The following XPO6 variants were observed in gnomAD, a reference collection of about 807,000 sequenced individuals.
The protein encoded by XPO6 is exportin-6.
A neutral mutation model predicts 130.0 loss-of-function variants in XPO6; 3 were observed. The observed-to-expected ratio is 0.02, with a 90% CI of 0.01 to 0.06. The LOEUF is 0.06. Ranked by LOEUF, XPO6 falls within the 10% of genes least tolerant of loss-of-function variation. The pLI is 1.00. For missense variants in XPO6, 970 were observed against 1,393.0 expected (o/e 0.70, Z 4.83); for synonymous variants, 524 against 548.9 (o/e 0.95, Z 0.63).
chr16:28,154,957 A>G (rs879635433), intron 7 of XPO6, among the ~76,000 whole-genome samples: 34 of 152,232 alleles, frequency 2.2e-4, no homozygotes, highest in Non-Finnish European at 4.6e-4. Context: ...GCTATCACCA[A>G]ATAATTTTTA....
intron 12 of XPO6, among the ~76,000 whole-genome samples, chr16:28,127,597 G>A (rs953148260): frequency 6.6e-6 from 1 of 152,118 alleles, no homozygotes; most frequent in Non-Finnish European, 1.5e-5. Context: ...CAGTAAACAC[G>A]GATGGGTGGC....
At position 28,166,550 on chromosome 16, in the gene XPO6, TA is replaced by T; in HGVS notation, c.600del (p.Thr201LeufsTer18). ...GGGGATGGTGGTGGAGTGGCAGCAG[TA>T]ACACTGTGTTTGTCCCAGACAGTCT... ...ILETVWDKHS[V>X]TAATPPPSPT... On this transcript the variant is annotated frameshift_variant, in exon 6 of 24. Coordinates refer to ENST00000304658, the MANE Select transcript of XPO6 (RefSeq NM_015171.4). LOFTEE classifies it high-confidence loss of function. The T allele has an allele frequency of 6.3e-7, 1 of 1,591,866 alleles. No individual in the cohort carries two copies. The highest frequency in any genetic ancestry group is 1.8e-5 in the Admixed American group (1 of 56,966).
At chr16:28,192,089 A>ATT (rs1567647242) in intron 1 of XPO6, among the ~76,000 whole-genome samples, 2 of 151,830 alleles carry the variant, frequency 1.3e-5, no homozygotes, top group Non-Finnish European at 1.5e-5. Context: ...GTGAAACCCC[A>ATT]TCTCTAATAA....
In XPO6 at chr16:28,166,207, A is replaced by G. The variant is rs147055043; in HGVS notation, c.643+301T>C. 4.6e-5 allele frequency among the ~76,000 whole-genome samples: 7 copies of G among 152,296 alleles called. No homozygotes were observed. The East Asian group carries it at 1.4e-3, about 29-fold the overall frequency. On this transcript the variant is annotated intron_variant, in intron 6 of 23. Coordinates refer to ENST00000304658, the MANE Select transcript of XPO6 (RefSeq NM_015171.4). ...GCTGCCCACCTCCTGCCACCCCTAC[A>G]GAAGGACAAGCAGACGTTTCAAGCC...
chr16:28,127,299 G>T lies in XPO6; in HGVS notation c.1607-1451C>A, dbSNP rs191409135. On this transcript the variant is annotated intron_variant, in intron 12 of 23. Transcript: ENST00000304658. Reference sequence around the variant, plus strand: ...CTACATAGCCTCCAGCCTCTCAGGGGCATCCTGTCTCTGTGGGGCCTCCCC... The same window carrying T: ...CTACATAGCCTCCAGCCTCTCAGGGTCATCCTGTCTCTGTGGGGCCTCCCC... Among the ~76,000 whole-genome samples the T allele has an allele frequency of 1.8e-3, 281 of 152,160 alleles. 1 individual carries two copies. The highest frequency in any genetic ancestry group is 2.7e-3 in the Non-Finnish European group (183 of 67,990).
At position 28,156,383 on chromosome 16, in the gene XPO6, G is replaced by A; in HGVS notation, c.788C>T (p.Ser263Phe). The A allele has an allele frequency of 6.2e-7, 1 of 1,614,096 alleles. No homozygotes were observed. Among genetic ancestry groups the A allele is most frequent in the Non-Finnish European group, 8.5e-7 (1 of 1,180,010 alleles). ...LAHLFSWIPL[S>F]ASITPSLLTT... ...AAGGAGGGATGGGGTGATGCTGGCAGACAGAGGAATCCAACTGAAGAGATG... is the reference window on the plus strand; with the variant it reads ...AAGGAGGGATGGGGTGATGCTGGCAAACAGAGGAATCCAACTGAAGAGATG... The change falls in exon 7 of 24, where the codon TCT becomes TTT. Residue 263 changes from serine to phenylalanine, a missense_variant. Physicochemically the swap from Ser to Phe is radical, Grantham distance 155. Transcript: ENST00000304658.
chr16:28,184,743 T>C (rs947724876), intron 1 of XPO6, among the ~76,000 whole-genome samples: 2 of 152,142 alleles, frequency 1.3e-5, no homozygotes, highest in African/African-American at 2.4e-5. Context: ...AAGATAGTGC[T>C]ACACATCTAC....
rs989747656 is a variant in XPO6, at chr16:28,112,782, G to A, written c.2151+122C>T. On this transcript the variant is annotated intron_variant, in intron 16 of 23. Transcript: ENST00000304658. ...GTCAGTGCCACACAATAAGAAATCT[G>A]TCTATGCTGGTACAGCCTGTAAGCT... is the stretch of plus-strand genomic sequence containing the variant. The A allele has an allele frequency of 2.2e-5, 29 of 1,290,092 alleles. No homozygotes were observed. In the African/African-American group the frequency reaches 4.3e-4, roughly 19 times the overall value. 79.9% of individuals were successfully genotyped at this position (1,290,092 alleles called of 1,614,324 possible).
At chr16:28,186,371 A>ATTATTTTTTTTTTTTTTT (rs1237138991) in intron 1 of XPO6, among the ~76,000 whole-genome samples, 1 of 10,128 alleles carries the variant, frequency 9.9e-5, no homozygotes, top group African/African-American at 4.1e-4. Flanking sequence ...TGCCCCAGTT[A>ATTATTTTTTTTTTTTTTT]TTCTTTTTTT....
chr16:28,135,444 A>AT (rs2042756935), intron 9 of XPO6, 120 bp from the exon 10 acceptor site: 2 of 769,012 alleles, frequency 2.6e-6, no homozygotes, highest in African/African-American at 1.7e-5. Context: ...AAGAGCATCG[A>AT]AATTCCTGAG....
chr16:28,210,945 C>T (rs555614601), intron 1 of XPO6, among the ~76,000 whole-genome samples: 11 of 152,326 alleles, frequency 7.2e-5, no homozygotes, highest in Admixed American at 2.0e-4. Flanking sequence ...GTTAAAAAGT[C>T]GCTTGACCTT....
intron 3 of XPO6, 39 bp from the exon 4 acceptor site, chr16:28,176,134 T>C (rs1387402163): frequency 6.3e-7 from 1 of 1,594,208 alleles, no homozygotes; most frequent in South Asian, 1.1e-5. Context: ...TAACAACCTA[T>C]ACACAAAAAT....
intron 6 of XPO6, among the ~76,000 whole-genome samples, chr16:28,157,872 A>G (rs2043208543): frequency 6.6e-6 from 1 of 152,200 alleles, no homozygotes; most frequent in Non-Finnish European, 1.5e-5. Flanking sequence ...AAACATTCAC[A>G]TATCCTTTCA....
At chr16:28,149,919 AT>A (rs1328364711) in intron 8 of XPO6, among the ~76,000 whole-genome samples, 4 of 152,248 alleles carry the variant, frequency 2.6e-5, no homozygotes, top group Non-Finnish European at 4.4e-5. Context: ...GAGTAAGATC[AT>A]ACTTGTTAGT....
chr16:28,124,557 A>T (rs926797114), intron 13 of XPO6, among the ~76,000 whole-genome samples: 1 of 152,214 alleles, frequency 6.6e-6, no homozygotes, highest in Non-Finnish European at 1.5e-5. Flanking sequence ...TGGACCCAGG[A>T]AACTGTTAAA....
chr16:28,204,255 A>G (rs2043993807), intron 1 of XPO6, among the ~76,000 whole-genome samples: 1 of 152,140 alleles, frequency 6.6e-6, no homozygotes, highest in African/African-American at 2.4e-5. Context: ...TATTGAGTAT[A>G]TAAAATGTTA....
chr16:28,137,557 A>G (rs1210937829), intron 9 of XPO6, among the ~76,000 whole-genome samples: 2 of 152,194 alleles, frequency 1.3e-5, no homozygotes, highest in African/African-American at 4.8e-5. Flanking sequence ...TCCAGGAGGT[A>G]CAGCCCATGT....
At chr16:28,147,302 C>T (rs1331572913) in intron 8 of XPO6, among the ~76,000 whole-genome samples, 1 of 152,072 alleles carries the variant, frequency 6.6e-6, no homozygotes, top group Non-Finnish European at 1.5e-5. Flanking sequence ...GTGGCTCATG[C>T]CTGTAATTCC....
At chr16:28,173,795 C>T (rs767585638) in intron 4 of XPO6, among the ~76,000 whole-genome samples, 17 of 152,282 alleles carry the variant, frequency 1.1e-4, no homozygotes, top group African/African-American at 3.4e-4. Flanking sequence ...AAGCCCTTCA[C>T]CTAAAAGTGC....
Sources: gnomAD v4.1 joint callset for allele counts (sites outside exome capture counted in the v4.1 genomes callset) on GRCh38, gnomAD v4.1.1 for gene constraint, MANE v1.5 for transcripts, NCBI Gene and HGNC (gene_info 2026-07-23, HGNC 2026-07-21) for gene names.